Variants in ENOX2 observed in about 807,000 individuals in gnomAD.
The protein encoded by ENOX2 is APK1 antigen.
In ENOX2, 36 loss-of-function variants were observed where a neutral mutation model predicts 45.0. That is an observed-to-expected ratio of 0.80 (90% CI 0.61 to 1.06). The LOEUF (loss-of-function observed/expected upper bound fraction) is 1.06. Among genes scored for constraint, ENOX2 ranks in the 50% least tolerant of loss-of-function variants. The probability of loss-of-function intolerance (pLI) is 0.00; values close to 1 mark genes in which losing one functional copy is unlikely to be tolerated. For synonymous variants in ENOX2, 174 were observed against 152.3 expected (o/e 1.14, Z -1.05); for missense variants, 423 against 462.5 (o/e 0.91, Z 0.78).
At chrX:130,867,390 A>G (rs1433784822) in intron 2 of ENOX2, among the ~76,000 whole-genome samples, 1 of 111,875 alleles carries the variant, frequency 8.9e-6, no homozygotes, top group East Asian at 2.8e-4. Flanking sequence ...TCTTTAGTGA[A>G]ATGGGAAATC....
At chrX:130,854,757 CT>C (rs1457581235) in intron 2 of ENOX2, among the ~76,000 whole-genome samples, 1 of 111,436 alleles carries the variant, frequency 9.0e-6, no homozygotes, top group Non-Finnish European at 1.9e-5. Flanking sequence ...GGATGCAAGG[CT>C]GGATCAATAT....
At chrX:130,844,337 T>C (rs1263569694) in intron 2 of ENOX2, among the ~76,000 whole-genome samples, 2 of 111,573 alleles carry the variant, frequency 1.8e-5, no homozygotes, top group African/African-American at 3.3e-5. Flanking sequence ...GTTGAGGCAT[T>C]TGGAGACTGG....
chrX:130,778,958 G>A (rs944550998), intron 3 of ENOX2, among the ~76,000 whole-genome samples: 7 of 112,470 alleles, frequency 6.2e-5, no homozygotes, highest in African/African-American at 2.3e-4. Context: ...GTACCATGAT[G>A]TTGCTTAAAA....
chrX:130,828,421 T>C (rs750641787), intron 2 of ENOX2, among the ~76,000 whole-genome samples: 2 of 112,352 alleles, frequency 1.8e-5, no homozygotes, highest in South Asian at 7.3e-4. Flanking sequence ...AGATTTTAGC[T>C]AGGATAATTA....
intron 2 of ENOX2, among the ~76,000 whole-genome samples, chrX:130,807,411 C>G (rs965790779): frequency 8.9e-6 from 1 of 111,803 alleles, no homozygotes; most frequent in African/African-American, 3.2e-5. Context: ...TTATGCCTTT[C>G]ATTCACAGAC....
At chrX:130,799,906 G>A (rs1422115410) in intron 2 of ENOX2, among the ~76,000 whole-genome samples, 17 of 109,439 alleles carry the variant, frequency 1.6e-4, no homozygotes, top group African/African-American at 5.7e-4. Context: ...TTCTGATGCT[G>A]CTCAAAAAAA....
At chrX:130,792,932 A>G (rs951122817) in intron 2 of ENOX2, among the ~76,000 whole-genome samples, 24 of 113,003 alleles carry the variant, frequency 2.1e-4, no homozygotes, top group Admixed American at 1.4e-3. Flanking sequence ...GCATATTTAT[A>G]TAACATTTCA....
intron 10 of ENOX2, among the ~76,000 whole-genome samples, chrX:130,637,895 T>C (rs2035973610): frequency 9.0e-6 from 1 of 110,978 alleles, no homozygotes; most frequent in South Asian, 3.8e-4. Context: ...GGGGGAATAA[T>C]GAAGAATCAA....
chrX:130,755,797 CTGT>C (rs1249237505), intron 3 of ENOX2, among the ~76,000 whole-genome samples: 1 of 110,749 alleles, frequency 9.0e-6, no homozygotes, highest in Non-Finnish European at 1.9e-5. Flanking sequence ...TATAGTCACC[CTGT>C]TGTACTATCA....
At chrX:130,824,755 A>G (rs2077683873) in intron 2 of ENOX2, among the ~76,000 whole-genome samples, 1 of 111,636 alleles carries the variant, frequency 9.0e-6, no homozygotes, top group Non-Finnish European at 1.9e-5. Context: ...GGAAACCCAC[A>G]TGGCCAATAA....
intron 3 of ENOX2, among the ~76,000 whole-genome samples, chrX:130,747,518 A>G (rs2039124974): frequency 8.9e-6 from 1 of 112,490 alleles, no homozygotes; most frequent in South Asian, 3.7e-4. Flanking sequence ...TCCTGGTTTC[A>G]GCAGAATATT....
chrX:130,748,174 T>C (rs1360288506), intron 3 of ENOX2, among the ~76,000 whole-genome samples: 1 of 112,200 alleles, frequency 8.9e-6, no homozygotes, highest in African/African-American at 3.2e-5. Context: ...AACTCTGTCA[T>C]GTCACTTCAT....
rs990160317 is a variant in ENOX2 at position 130,623,760 on chromosome X, G to A, written c.*1554C>T. On this transcript the variant is annotated 3_prime_UTR_variant, in exon 15 of 15. Coordinates refer to ENST00000394363, the MANE Select transcript of ENOX2 (RefSeq NM_006375.4). ...GGGGAAGCCAGTTTTCAGCACGAATGGGCTGCTGTGGAACCCTGTTTCCAG... is the reference window on the plus strand; with the variant it reads ...GGGGAAGCCAGTTTTCAGCACGAATAGGCTGCTGTGGAACCCTGTTTCCAG... 1.5e-4 allele frequency: 17 copies of A among 111,103 alleles called. No homozygotes were observed. The highest frequency in any genetic ancestry group is 5.6e-4 in the African/African-American group (17 of 30,503). The allele number at this position is 111,103 out of a possible 1,213,427, so 9.2% of individuals were successfully genotyped here.
At chrX:130,799,994 T>G (rs1206023042) in intron 2 of ENOX2, among the ~76,000 whole-genome samples, 1 of 111,529 alleles carries the variant, frequency 9.0e-6, no homozygotes, top group African/African-American at 3.3e-5. Context: ...TAATGATGTT[T>G]AAATACCAAT....
At chrX:130,880,480 C>A (rs1431789080) in intron 2 of ENOX2, among the ~76,000 whole-genome samples, 1 of 111,860 alleles carries the variant, frequency 8.9e-6, no homozygotes, top group African/African-American at 3.3e-5. Flanking sequence ...TATGTACAGA[C>A]TACATTCCAT....
intron 5 of ENOX2, among the ~76,000 whole-genome samples, chrX:130,686,071 G>A (rs1434514143): frequency 1.8e-5 from 2 of 111,435 alleles, no homozygotes; most frequent in Non-Finnish European, 3.8e-5. Context: ...TTATTGCTGA[G>A]AGGAATTTCA....
chrX:130,828,066 C>T (rs1361599211), intron 2 of ENOX2, among the ~76,000 whole-genome samples: 1 of 112,115 alleles, frequency 8.9e-6, no homozygotes, highest in African/African-American at 3.2e-5. Context: ...AATGGTATCC[C>T]AATATCCGAG....
At chrX:130,760,784 T>C (rs1258532246) in intron 3 of ENOX2, among the ~76,000 whole-genome samples, 3 of 7,826 alleles carry the variant, frequency 3.8e-4, no homozygotes, top group Non-Finnish European at 7.5e-4. Flanking sequence ...AGACTCCATC[T>C]CAAAAAAAAA....
At chrX:130,826,531 C>T (rs1316787732) in intron 2 of ENOX2, among the ~76,000 whole-genome samples, 1 of 111,894 alleles carries the variant, frequency 8.9e-6, no homozygotes, top group Non-Finnish European at 1.9e-5. Context: ...ACATTCTCTA[C>T]TTTCCTTGTG....
Sources: gnomAD v4.1 joint callset for allele counts (sites outside exome capture counted in the v4.1 genomes callset) on GRCh38, gnomAD v4.1.1 for gene constraint, MANE v1.5 for transcripts, NCBI Gene and HGNC (gene_info 2026-07-23, HGNC 2026-07-21) for gene names.